The following ABL1 variants were observed in gnomAD, a reference collection of about 807,000 sequenced individuals.
The protein encoded by ABL1 is ABL proto-oncogene 1, non-receptor tyrosine kinase.
In ABL1, 11 loss-of-function variants were observed where a neutral mutation model predicts 94.7. The ratio of observed to expected loss-of-function variants is 0.12; its 90% CI spans 0.07 to 0.19. The LOEUF (loss-of-function observed/expected upper bound fraction) is 0.19. Ranked by LOEUF, ABL1 falls within the 10% of genes least tolerant of loss-of-function variation. The pLI is 1.00. For missense variants in ABL1, 1,082 were observed against 1,489.4 expected (o/e 0.73, Z 4.50); for synonymous variants, 656 against 622.4 (o/e 1.05, Z -0.80).
At chr9:130,859,779 C>T (rs779279753) in intron 3 of ABL1, among the ~76,000 whole-genome samples, 9 of 137,096 alleles carry the variant, frequency 6.6e-5, no homozygotes, top group East Asian at 2.3e-4. Context: ...CTCCCAGGTT[C>T]GAGCGATTCT....
At chr9:130,766,597 A>G (rs1832186460) in intron 1 of ABL1, among the ~76,000 whole-genome samples, 1 of 152,146 alleles carries the variant, frequency 6.6e-6, no homozygotes, top group Non-Finnish European at 1.5e-5. Context: ...ACTTGGGGAC[A>G]AGGCCACAGC....
chr9:130,864,813 C>A (rs557510183), intron 4 of ABL1, among the ~76,000 whole-genome samples: 5 of 152,240 alleles, frequency 3.3e-5, no homozygotes, highest in South Asian at 2.1e-4. Context: ...AGAAATGGGG[C>A]CTTGACCAGC....
chr9:130,721,903 C>T (rs1831519929), intron 1 of ABL1, among the ~76,000 whole-genome samples: 1 of 144,820 alleles, frequency 6.9e-6, no homozygotes, highest in African/African-American at 2.5e-5. Flanking sequence ...CTCATTGCAA[C>T]CTCCACCTCC....
chr9:130,838,682 T>C (rs1269143732), intron 1 of ABL1, among the ~76,000 whole-genome samples: 1 of 152,220 alleles, frequency 6.6e-6, no homozygotes, highest in Non-Finnish European at 1.5e-5. Flanking sequence ...TTCGGTCTAC[T>C]TTGAACACTG....
chr9:130,887,667 A>G lies in ABL1; in HGVS notation c.*1984A>G. 1 of 218,302 alleles carries G rather than the reference A, an allele frequency of 4.6e-6. No homozygotes were observed. The allele number at this position is 218,302 out of a possible 1,614,324, so 13.5% of individuals were successfully genotyped here. ...GTATTTTTTAAATAAATCAGTGTTT[A>G]CATTAGAATTCTTGGCAGATTGCTT... On this transcript the variant is annotated 3_prime_UTR_variant, in exon 11 of 11. Coordinates refer to ENST00000318560, the MANE Select transcript of ABL1 (RefSeq NM_005157.6).
intron 1 of ABL1, among the ~76,000 whole-genome samples, chr9:130,841,087 C>T (rs1460886571): frequency 6.6e-6 from 1 of 151,994 alleles, no homozygotes; most frequent in Non-Finnish European, 1.5e-5. Flanking sequence ...TTGGGCCACA[C>T]GTAAAACATA....
chr9:130,754,825 A>G (rs1046075641), intron 1 of ABL1, among the ~76,000 whole-genome samples: 9 of 152,124 alleles, frequency 5.9e-5, no homozygotes, highest in African/African-American at 2.2e-4. Context: ...TAGGGAATAG[A>G]TAGGGCCTCT....
intron 1 of ABL1, among the ~76,000 whole-genome samples, chr9:130,839,393 A>G (rs937550768): frequency 2.5e-4 from 38 of 152,214 alleles, no homozygotes; most frequent in Admixed American, 2.4e-3. Context: ...GTCATCAGAT[A>G]CTTCCCTTGT....
intron 1 of ABL1, among the ~76,000 whole-genome samples, chr9:130,736,007 G>T (rs1831737278): frequency 6.9e-6 from 1 of 144,982 alleles, no homozygotes; most frequent in Non-Finnish European, 1.5e-5. Context: ...GCAGGCTGGA[G>T]TGCAGTGGCA....
rs1457127989 is a variant in ABL1, at chr9:130,835,590, C to T, written c.79+65C>T. ...GCCCTCCCGCTGCTGCTGGGCCCTTCCTAGGCCTCGCCGCCCGCGCGCTCC... is the reference window on the plus strand; with the variant it reads ...GCCCTCCCGCTGCTGCTGGGCCCTTTCTAGGCCTCGCCGCCCGCGCGCTCC... On this transcript the variant is annotated intron_variant, in intron 1 of 10. Transcript: ENST00000318560. The surrounding 1 kb of genome is among the most constrained non-coding windows in gnomAD (Gnocchi z 4.6). 2.1e-6 allele frequency: 3 copies of T among 1,430,818 alleles called. No homozygotes were observed. The highest frequency in any genetic ancestry group is 2.0e-5 in the Admixed American group (1 of 49,430). 88.6% of individuals were successfully genotyped at this position (1,430,818 alleles called of 1,614,324 possible).
At chr9:130,833,938 A>G, upstream of ABL1, 1 of 439,278 alleles carries the variant, frequency 2.3e-6, no homozygotes, top group Non-Finnish European at 4.7e-6. Flanking sequence ...TAGTTATTTG[A>G]CCAAAGATAT....
chr9:130,825,177 A>G (rs898134199), intron 1 of ABL1, among the ~76,000 whole-genome samples: 3 of 152,164 alleles, frequency 2.0e-5, no homozygotes, highest in Non-Finnish European at 4.4e-5. Flanking sequence ...CAACTGCCCC[A>G]GAGATAACTT....
chr9:130,800,998 T>A (rs1830047367), intron 1 of ABL1, among the ~76,000 whole-genome samples: 1 of 151,704 alleles, frequency 6.6e-6, no homozygotes, highest in Admixed American at 6.6e-5. Context: ...AGGCACGATC[T>A]CGGCTCACTG....
Position 130,797,819 on chromosome 9 carries a change from C to T in ABL1, c.137-56245C>T, listed in dbSNP as rs148074528. Among the ~76,000 whole-genome samples, 56 of 152,258 alleles carry T rather than the reference C, an allele frequency of 3.7e-4. No homozygotes were observed. The East Asian group carries it at 0.01, about 28-fold the overall frequency. ...GAATAGTTTGCCAAATAGAAGAACA[C>T]GGGATATTCTTCTCCCATGGCTGAT... On this transcript the variant is annotated intron_variant, in intron 1 of 10. Transcript: ENST00000372348.
Position 130,844,346 on chromosome 9 carries a change from T to A in ABL1, c.79+8821T>A, listed in dbSNP as rs540885006. 2.0e-5 allele frequency among the ~76,000 whole-genome samples: 3 copies of A among 152,296 alleles called. No individual in the cohort carries two copies. The South Asian group carries it at 6.2e-4, about 32-fold the overall frequency. ...AGGGTGGGAACTGACAGAGGATGAC[T>A]TCCAGCCTCAGTCCTGATATGGGCG... On this transcript the variant is annotated intron_variant, in intron 1 of 10. Coordinates refer to ENST00000318560, the MANE Select transcript of ABL1 (RefSeq NM_005157.6).
intron 1 of ABL1, among the ~76,000 whole-genome samples, chr9:130,840,985 T>C (rs1053921599): frequency 6.6e-5 from 10 of 152,258 alleles, no homozygotes; most frequent in African/African-American, 9.6e-5. Context: ...GTTTTGATAG[T>C]GTAACTTTGT....
At chr9:130,810,882 CA>C (rs1278140604) in intron 1 of ABL1, among the ~76,000 whole-genome samples, 2 of 152,030 alleles carry the variant, frequency 1.3e-5, no homozygotes, top group East Asian at 3.9e-4. Flanking sequence ...ACATCTTAAG[CA>C]AATTGCTTAA....
At chr9:130,762,393 G>A (rs1482530984) in intron 1 of ABL1, among the ~76,000 whole-genome samples, 2 of 152,140 alleles carry the variant, frequency 1.3e-5, no homozygotes, top group Non-Finnish European at 2.9e-5. Flanking sequence ...TGTGTGGTGT[G>A]CATGTGTGTG....
intron 1 of ABL1, among the ~76,000 whole-genome samples, chr9:130,840,161 G>A (rs1438142192): frequency 6.6e-6 from 1 of 152,228 alleles, no homozygotes; most frequent in Admixed American, 6.5e-5. Context: ...AATGGTTGAA[G>A]TGATGACAGA....
Sources: gnomAD v4.1 joint callset for allele counts (sites outside exome capture counted in the v4.1 genomes callset) on GRCh38, gnomAD v4.1.1 for gene constraint, Gnocchi (gnomAD v3.1) non-coding constraint, MANE v1.5 for transcripts, NCBI Gene and HGNC (gene_info 2026-07-23, HGNC 2026-07-21) for gene names.